SSBP3: variants seen among roughly 807,000 people sequenced by gnomAD.
SSBP3 encodes the protein single-stranded DNA-binding protein 3.
A neutral mutation model predicts 69.6 loss-of-function variants in SSBP3; 5 were observed. The ratio of observed to expected loss-of-function variants is 0.07; its 90% CI spans 0.04 to 0.15. The LOEUF is 0.15. Among genes scored for constraint, SSBP3 ranks in the 10% least tolerant of loss-of-function variants. SSBP3 has a pLI of 1.00. For missense variants in SSBP3, 312 were observed against 534.0 expected (o/e 0.58, Z 4.10); for synonymous variants, 196 against 193.4 (o/e 1.01, Z -0.11).
At chr1:54,284,942 T>C (rs1475659719) in intron 4 of SSBP3, among the ~76,000 whole-genome samples, 1 of 152,156 alleles carries the variant, frequency 6.6e-6, no homozygotes, top group African/African-American at 2.4e-5. Context: ...GTCACCATGG[T>C]TCTAGTAAAT....
chr1:54,395,491 G>A (rs1284801673), intron 4 of SSBP3, among the ~76,000 whole-genome samples: 5 of 152,174 alleles, frequency 3.3e-5, no homozygotes, highest in African/African-American at 1.2e-4. Flanking sequence ...TCTCAGAGAC[G>A]CCATTTATCA....
At chr1:54,359,520 T>C (rs1439674130) in intron 4 of SSBP3, among the ~76,000 whole-genome samples, 1 of 152,048 alleles carries the variant, frequency 6.6e-6, no homozygotes, top group Non-Finnish European at 1.5e-5. Flanking sequence ...ACAGAGGACA[T>C]GGAAAGGTTT....
At chr1:54,410,578 C>G (rs1649962736), upstream of SSBP3, among the ~76,000 whole-genome samples, 1 of 152,220 alleles carries the variant, frequency 6.6e-6, no homozygotes, top group Non-Finnish European at 1.5e-5. Flanking sequence ...TACCTCTGAT[C>G]AAAACCTTCG....
At position 54,381,151 on chromosome 1, in the gene SSBP3, G is replaced by A. The variant is rs575198014; in HGVS notation, c.276+20710C>T. 9.9e-5 allele frequency among the ~76,000 whole-genome samples: 15 copies of A among 152,068 alleles called. No individual in the cohort carries two copies. In the East Asian group the frequency reaches 1.2e-3, roughly 12 times the overall value. ...TGTAATCCCAGCACTCTGGGAGGCC[G>A]AGGCTGGTGGATCATGAGGTCAGGT... On this transcript the variant is annotated intron_variant, in intron 4 of 17. Coordinates refer to ENST00000610401, the Ensembl canonical transcript of SSBP3.
At chr1:54,345,404 T>C (rs892291518) in intron 4 of SSBP3, among the ~76,000 whole-genome samples, 2 of 151,762 alleles carry the variant, frequency 1.3e-5, no homozygotes, top group South Asian at 2.1e-4. Flanking sequence ...AGCCCTCCCA[T>C]CCAGGGAAAA....
At chr1:54,342,679 C>T (rs1343434923) in intron 4 of SSBP3, among the ~76,000 whole-genome samples, 1 of 152,226 alleles carries the variant, frequency 6.6e-6, no homozygotes, top group Non-Finnish European at 1.5e-5. Flanking sequence ...TCTTAGCAGC[C>T]TTGAAACCTT....
At chr1:54,248,981 T>G (rs1004392602) in intron 9 of SSBP3, among the ~76,000 whole-genome samples, 1 of 152,142 alleles carries the variant, frequency 6.6e-6, no homozygotes, top group Non-Finnish European at 1.5e-5. Context: ...GAGACACTCC[T>G]AGGGTCTAAG....
Position 54,240,063 on chromosome 1 carries a change from TGTGTGTGTGTGTGTGTGTGTGTGTGC to T in SSBP3, c.856+816_856+841del, listed in dbSNP as rs1644583084. 3.9e-4 allele frequency among the ~76,000 whole-genome samples: 10 copies of T among 25,928 alleles called. No homozygotes were observed. The South Asian group carries it at 4.6e-3, about 12-fold the overall frequency. The allele number at this position is 25,928 out of a possible 152,430, so 17.0% of individuals were successfully genotyped here. A position where few individuals can be genotyped will look rare whatever the true frequency, so the allele number is the denominator to read the frequency against. ...TTGTGATGGGGTGTGTGTGTGTGTG[TGTGTGTGTGTGTGTGTGTGTGTGTGC>T]GCGCGCGCGCGTGTGCGTGCGCGCG... On this transcript the variant is annotated intron_variant, in intron 13 of 17. Coordinates refer to ENST00000610401, the Ensembl canonical transcript of SSBP3.
At chr1:54,312,910 C>G (rs1177357963) in intron 4 of SSBP3, among the ~76,000 whole-genome samples, 1 of 151,884 alleles carries the variant, frequency 6.6e-6, no homozygotes. Flanking sequence ...GAATCCACTT[C>G]AGAAAGGCAG....
chr1:54,244,204 A>C (rs1378477701), intron 9 of SSBP3, among the ~76,000 whole-genome samples: 1 of 152,118 alleles, frequency 6.6e-6, no homozygotes, highest in Non-Finnish European at 1.5e-5. Context: ...CCCAGGTTCA[A>C]GCGATTCTCA....
intron 11 of SSBP3, 64 bp downstream of exon 11, chr1:54,242,100 T>C (rs1366012267): frequency 1.3e-6 from 2 of 1,581,178 alleles, no homozygotes; most frequent in Admixed American, 1.7e-5. Flanking sequence ...CCAGGGACAG[T>C]AGCTCCCCTG....
intron 4 of SSBP3, among the ~76,000 whole-genome samples, chr1:54,323,688 C>T (rs1290732228): frequency 6.6e-6 from 1 of 152,162 alleles, no homozygotes; most frequent in East Asian, 1.9e-4. Context: ...GCCTGGATTC[C>T]AATGACAGCT....
intron 4 of SSBP3, among the ~76,000 whole-genome samples, chr1:54,369,798 T>TCAGAACA (rs1553146827): frequency 1.5e-5 from 2 of 129,620 alleles, no homozygotes; most frequent in Admixed American, 8.3e-5. Context: ...TCTGAGAACG[T>TCAGAACA]GACCCTGTCC....
At chr1:54,399,031 G>A (rs750367139) in intron 4 of SSBP3, among the ~76,000 whole-genome samples, 5 of 152,150 alleles carry the variant, frequency 3.3e-5, no homozygotes, top group East Asian at 3.9e-4. Context: ...GAGAGCACCC[G>A]CAACAATTAT....
chr1:54,349,861 G>A (rs914666162), intron 4 of SSBP3, among the ~76,000 whole-genome samples: 1 of 151,720 alleles, frequency 6.6e-6, no homozygotes, highest in African/African-American at 2.4e-5. Flanking sequence ...CTTACCTGGC[G>A]AGTGTCCTGG....
rs1246765391 is a variant in SSBP3 at position 54,327,078 on chromosome 1, TTAGGGG to T, written c.277-45557_277-45552del. 6.6e-5 allele frequency among the ~76,000 whole-genome samples: 10 copies of T among 152,090 alleles called. No homozygotes were observed. The Middle Eastern group carries it at 0.014, about 207-fold the overall frequency. ...TAAGCAGTAACTCAGGCACTTGGGA[TTAGGGG>T]TGCCTCATCTTGGGCCCAGCCTCTC... On this transcript the variant is annotated intron_variant, in intron 4 of 17. Coordinates refer to ENST00000610401, the Ensembl canonical transcript of SSBP3.
intron 4 of SSBP3, among the ~76,000 whole-genome samples, chr1:54,298,930 A>AAC (rs10525954): frequency 0.022 from 2,987 of 137,250 alleles, 52 homozygotes; most frequent in Admixed American, 0.03. Flanking sequence ...ACAAAAACAA[A>AAC]ACACACACAC....
chr1:54,350,616 T>C (rs1021871588), intron 4 of SSBP3, among the ~76,000 whole-genome samples: 1 of 152,164 alleles, frequency 6.6e-6, no homozygotes, highest in African/African-American at 2.4e-5. Flanking sequence ...TTCTAATTGA[T>C]TCATTAGCAC....
intron 4 of SSBP3, among the ~76,000 whole-genome samples, chr1:54,344,628 G>T (rs879607198): frequency 6.6e-6 from 1 of 152,208 alleles, no homozygotes; most frequent in African/African-American, 2.4e-5. Context: ...GCCTTGTAAA[G>T]AGAGGAAAGA....
Sources: gnomAD v4.1 joint callset for allele counts (sites outside exome capture counted in the v4.1 genomes callset) on GRCh38, gnomAD v4.1.1 for gene constraint, MANE v1.5 for transcripts, NCBI Gene and HGNC (gene_info 2026-07-23, HGNC 2026-07-21) for gene names.